CCDC102B: variants seen among roughly 807,000 people sequenced by gnomAD.
The protein encoded by CCDC102B is coiled-coil domain-containing protein 102B.
In CCDC102B, 75 loss-of-function variants were observed where a neutral mutation model predicts 57.4. The observed-to-expected ratio is 1.31, with a 90% CI of 1.08 to 1.58. The LOEUF is 1.58. Among genes scored for constraint, CCDC102B ranks in the 40% most tolerant of loss-of-function variants. The pLI, the probability that CCDC102B is intolerant of heterozygous loss-of-function variation, is 0.00. For synonymous variants in CCDC102B, 206 were observed against 201.9 expected (o/e 1.02, Z -0.17); for missense variants, 636 against 582.6 (o/e 1.09, Z -0.94).
chr18:68,815,631 G>C (rs190282160), intron 1 of CCDC102B, among the ~76,000 whole-genome samples: 12 of 151,000 alleles, frequency 7.9e-5, no homozygotes, highest in Non-Finnish European at 1.8e-4. Context: ...ATATGGTATA[G>C]ATTCATCATT....
At chr18:68,885,729 C>T (rs1033662187) in intron 5 of CCDC102B, among the ~76,000 whole-genome samples, 9 of 151,968 alleles carry the variant, frequency 5.9e-5, no homozygotes, top group Non-Finnish European at 8.8e-5. Context: ...TCTGTAACCT[C>T]TTTGCAGTTC....
chr18:69,001,075 C>T (rs2051188441), intron 6 of CCDC102B, among the ~76,000 whole-genome samples: 1 of 152,180 alleles, frequency 6.6e-6, no homozygotes, highest in Non-Finnish European at 1.5e-5. Flanking sequence ...AGGCCCCTCT[C>T]AATACATCAT....
chr18:68,964,846 CT>C (rs1258732163), intron 6 of CCDC102B, among the ~76,000 whole-genome samples: 1 of 151,894 alleles, frequency 6.6e-6, no homozygotes, highest in African/African-American at 2.4e-5. Context: ...AGAAATTTTA[CT>C]TGATATTGAA....
At chr18:68,847,583 G>GA (rs1307535976) in intron 4 of CCDC102B, among the ~76,000 whole-genome samples, 2 of 151,814 alleles carry the variant, frequency 1.3e-5, no homozygotes. Flanking sequence ...ATGTGTATCT[G>GA]AAAAGGTTTA....
chr18:68,994,213 A>G (rs1015429073), intron 6 of CCDC102B, among the ~76,000 whole-genome samples: 2 of 152,186 alleles, frequency 1.3e-5, no homozygotes, highest in African/African-American at 4.8e-5. Flanking sequence ...GTTATCAATA[A>G]TTTCTTGAAT....
intron 6 of CCDC102B, among the ~76,000 whole-genome samples, chr18:68,971,547 T>C (rs1336469697): frequency 6.6e-6 from 1 of 152,172 alleles, no homozygotes; most frequent in African/African-American, 2.4e-5. Flanking sequence ...GAGAATGAAG[T>C]GTGCACCAAT....
chr18:68,815,760 A>G (rs1174864407), intron 1 of CCDC102B, among the ~76,000 whole-genome samples: 1 of 151,624 alleles, frequency 6.6e-6, no homozygotes, highest in Non-Finnish European at 1.5e-5. Flanking sequence ...TCATCTTTTT[A>G]TAGATATAAG....
At chr18:68,960,350 T>C (rs982327268) in intron 6 of CCDC102B, among the ~76,000 whole-genome samples, 1 of 124,538 alleles carries the variant, frequency 8.0e-6, no homozygotes, top group Non-Finnish European at 1.7e-5. Flanking sequence ...GGGGGCCTGA[T>C]GCCCTATTCT....
chr18:68,913,892 A>G (rs1195101885), intron 6 of CCDC102B, among the ~76,000 whole-genome samples: 3 of 152,172 alleles, frequency 2.0e-5, no homozygotes, highest in Admixed American at 2.0e-4. Flanking sequence ...AGATGCTCTT[A>G]TCTCCTGCAG....
At chr18:68,806,429 A>G (rs2036036355) in intron 1 of CCDC102B, among the ~76,000 whole-genome samples, 1 of 152,156 alleles carries the variant, frequency 6.6e-6, no homozygotes, top group African/African-American at 2.4e-5. Flanking sequence ...CTACTTTGGT[A>G]TGCATTTTTA....
At chr18:68,870,439 C>G (rs1461911156) in intron 4 of CCDC102B, among the ~76,000 whole-genome samples, 1 of 152,136 alleles carries the variant, frequency 6.6e-6, no homozygotes, top group East Asian at 1.9e-4. Context: ...TGGAAAGTAT[C>G]GAGCAATTAA....
intron 2 of CCDC102B, among the ~76,000 whole-genome samples, chr18:68,746,358 T>C (rs768453573): frequency 1.6e-4 from 25 of 152,156 alleles, no homozygotes; most frequent in Non-Finnish European, 2.6e-4. Flanking sequence ...TGGGAATCCT[T>C]TTCAACTATG....
chr18:69,037,648 G>A (rs4633817), intron 7 of CCDC102B, among the ~76,000 whole-genome samples: 125,250 of 151,962 alleles, frequency 0.82, 53,811 homozygotes, highest in Non-Finnish European at 0.96. Flanking sequence ...ATGAGCAAAG[G>A]CATGAGGGAA....
At chr18:68,778,475 T>A (rs911984662) in intron 2 of CCDC102B, among the ~76,000 whole-genome samples, 1 of 152,134 alleles carries the variant, frequency 6.6e-6, no homozygotes, top group Admixed American at 6.6e-5. Context: ...GTTTGCCGTC[T>A]CAGCAGATAT....
At chr18:68,995,998 A>C (rs1246173457) in intron 6 of CCDC102B, among the ~76,000 whole-genome samples, 1 of 152,196 alleles carries the variant, frequency 6.6e-6, no homozygotes, top group Non-Finnish European at 1.5e-5. Context: ...TGAGACATAG[A>C]GTCAAAGTTG....
intron 4 of CCDC102B, among the ~76,000 whole-genome samples, chr18:68,872,465 A>G (rs2039276830): frequency 6.6e-6 from 1 of 152,088 alleles, no homozygotes; most frequent in African/African-American, 2.4e-5. Context: ...TTTATTATTT[A>G]AATTTTTGAA....
At chr18:68,950,151 AC>A (rs1400199018) in intron 6 of CCDC102B, among the ~76,000 whole-genome samples, 2 of 152,130 alleles carry the variant, frequency 1.3e-5, no homozygotes, top group African/African-American at 4.8e-5. Context: ...CTTGCTTAGG[AC>A]CCTTGAAGAC....
intron 6 of CCDC102B, among the ~76,000 whole-genome samples, chr18:68,946,389 A>G (rs973744066): frequency 4.6e-5 from 7 of 152,044 alleles, no homozygotes; most frequent in Admixed American, 2.0e-4. Context: ...ACACATATAC[A>G]TATGATCTAT....
At chr18:68,942,004 C>A (rs1396434113) in intron 6 of CCDC102B, among the ~76,000 whole-genome samples, 2 of 151,926 alleles carry the variant, frequency 1.3e-5, no homozygotes, top group Non-Finnish European at 2.9e-5. Flanking sequence ...GATTATTGTG[C>A]TCGTCAACTC....
Sources: allele counts gnomAD v4.1 joint callset (sites outside exome capture counted in the v4.1 genomes callset), GRCh38; gene constraint gnomAD v4.1.1; transcripts MANE v1.5; gene names NCBI Gene and HGNC (gene_info 2026-07-23, HGNC 2026-07-21).